LOC128125817: variants seen among roughly 807,000 people sequenced by gnomAD.
chr1:41,605,047 G>C, the LOC128125817 span, among the ~76,000 whole-genome samples: 1 of 149,944 alleles, frequency 6.7e-6, no homozygotes, highest in Non-Finnish European at 1.5e-5. Context: ...AGAGGCTGTA[G>C]TGAGCTGAGA....
chr1:41,607,248 TATCCTCC>T, the LOC128125817 span, among the ~76,000 whole-genome samples: 1 of 152,258 alleles, frequency 6.6e-6, no homozygotes, highest in African/African-American at 2.4e-5. Flanking sequence ...CCTCTGGATC[TATCCTCC>T]ATGGGTCTTA....
At chr1:41,627,316 A>G in the LOC128125817 span, among the ~76,000 whole-genome samples, 1 of 152,218 alleles carries the variant, frequency 6.6e-6, no homozygotes, top group Non-Finnish European at 1.5e-5. Flanking sequence ...GCAGAGTTGG[A>G]GCAATTTGCC....
At chr1:41,586,334 C>T in the LOC128125817 span, among the ~76,000 whole-genome samples, 6 of 152,214 alleles carry the variant, frequency 3.9e-5, no homozygotes, top group South Asian at 1.2e-3. Flanking sequence ...TCACCATGGA[C>T]TCCATCTCAC....
the LOC128125817 span, among the ~76,000 whole-genome samples, chr1:41,624,201 C>T: frequency 3.9e-5 from 6 of 152,186 alleles, no homozygotes; most frequent in Admixed American, 6.5e-5. Flanking sequence ...TCTCAGCATC[C>T]GTGGCCCCTC....
the LOC128125817 span, among the ~76,000 whole-genome samples, chr1:41,585,713 C>T: frequency 6.6e-6 from 1 of 152,120 alleles, no homozygotes; most frequent in Non-Finnish European, 1.5e-5. Flanking sequence ...GTTGCCTAAT[C>T]GGTAAAACAG....
the LOC128125817 span, among the ~76,000 whole-genome samples, chr1:41,600,397 A>G: frequency 6.6e-6 from 1 of 152,224 alleles, no homozygotes. Flanking sequence ...AAGACGGAAT[A>G]ATATTCCATT....
the LOC128125817 span, among the ~76,000 whole-genome samples, chr1:41,621,830 C>T: frequency 6.6e-6 from 1 of 152,316 alleles, no homozygotes; most frequent in South Asian, 2.1e-4. Context: ...CCCTGCTCTT[C>T]TCTTATGACT....
chr1:41,607,832 T>A, the LOC128125817 span, among the ~76,000 whole-genome samples: 1 of 152,248 alleles, frequency 6.6e-6, no homozygotes, highest in Non-Finnish European at 1.5e-5. Flanking sequence ...CCATGGCTGA[T>A]ATGGTGGCTT....
chr1:41,622,029 A>C, the LOC128125817 span, among the ~76,000 whole-genome samples: 1 of 152,220 alleles, frequency 6.6e-6, no homozygotes, highest in African/African-American at 2.4e-5. Context: ...TGACTGGCTC[A>C]TATCCTAGCT....
At chr1:41,621,511 C>CTTTTG in the LOC128125817 span, among the ~76,000 whole-genome samples, 3 of 152,172 alleles carry the variant, frequency 2.0e-5, no homozygotes, top group South Asian at 2.1e-4. Context: ...TCTTCTTCTT[C>CTTTTG]TTTTGTTTTG....
At chr1:41,615,011 G>A in the LOC128125817 span, among the ~76,000 whole-genome samples, 1 of 152,210 alleles carries the variant, frequency 6.6e-6, no homozygotes, top group Non-Finnish European at 1.5e-5. Flanking sequence ...AGAAGGCCAG[G>A]TGGGCCCCAC....
At chr1:41,611,364 T>C in the LOC128125817 span, among the ~76,000 whole-genome samples, 1 of 152,104 alleles carries the variant, frequency 6.6e-6, no homozygotes, top group Non-Finnish European at 1.5e-5. Flanking sequence ...AGACACAAAC[T>C]GTGGAGCAAC....
the LOC128125817 span, among the ~76,000 whole-genome samples, chr1:41,602,093 C>A: frequency 2.6e-5 from 4 of 151,010 alleles, no homozygotes; most frequent in Non-Finnish European, 5.9e-5. Flanking sequence ...GGGATAAATC[C>A]CACTTGGTCA....
At chr1:41,601,044 C>T in the LOC128125817 span, among the ~76,000 whole-genome samples, 57 of 152,062 alleles carry the variant, frequency 3.7e-4, no homozygotes, top group Non-Finnish European at 5.9e-5. Context: ...TCTTGGCACC[C>T]GTGTTGAAGA....
the LOC128125817 span, among the ~76,000 whole-genome samples, chr1:41,618,699 G>A: frequency 6.6e-6 from 1 of 152,196 alleles, no homozygotes. Flanking sequence ...TCAAGGATGA[G>A]TTTCCCAAGA....
the LOC128125817 span, among the ~76,000 whole-genome samples, chr1:41,589,657 C>A: frequency 6.6e-6 from 1 of 152,216 alleles, no homozygotes; most frequent in African/African-American, 2.4e-5. Context: ...CAGCTTGAAT[C>A]TGCCTTGGGC....
the LOC128125817 span, among the ~76,000 whole-genome samples, chr1:41,605,371 A>ACGTG: frequency 7.9e-6 from 1 of 126,428 alleles, no homozygotes; most frequent in East Asian, 2.0e-4. Context: ...ACACACGCAC[A>ACGTG]CGCGCACACA....
chr1:41,608,723 C>A, the LOC128125817 span, among the ~76,000 whole-genome samples: 4 of 152,162 alleles, frequency 2.6e-5, no homozygotes, highest in Admixed American at 6.5e-5. Flanking sequence ...ATGTTTCCGT[C>A]CCACGGATGA....
At chr1:41,623,288 A>G in the LOC128125817 span, among the ~76,000 whole-genome samples, 2 of 152,330 alleles carry the variant, frequency 1.3e-5, no homozygotes, top group Middle Eastern at 3.4e-3. Flanking sequence ...TTTTGCTCCC[A>G]TCTGTCCTCA....
Sources: allele counts gnomAD v4.1 joint callset (sites outside exome capture counted in the v4.1 genomes callset), GRCh38; gene constraint gnomAD v4.1.1; transcripts MANE v1.5.